The following EIF3B variants were observed in gnomAD, a reference collection of about 807,000 sequenced individuals.
EIF3B encodes eukaryotic translation initiation factor 3 subunit B, also known as eukaryotic translation initiation factor 3 subunit 9.
In EIF3B, 10 loss-of-function variants were observed where a neutral mutation model predicts 104.6. That is an observed-to-expected ratio of 0.10 (90% confidence interval 0.06 to 0.16). The LOEUF (loss-of-function observed/expected upper bound fraction) is 0.16, where lower values mean the gene tolerates loss of function less well. Ranked by LOEUF, EIF3B falls within the 10% of genes least tolerant of loss-of-function variation. The pLI is 1.00. For synonymous variants in EIF3B, 542 were observed against 417.2 expected, an observed-to-expected ratio of 1.30 and a Z score of -3.65; for missense variants, 1,014 against 1,087.9, an observed-to-expected ratio of 0.93 and a Z score of 0.96.
intron 9 of EIF3B, 54 bp downstream of exon 9, chr7:2,367,099 T>TA: frequency 9.8e-7 from 1 of 1,018,622 alleles, no homozygotes; most frequent in South Asian, 2.1e-5. Context: ...CTTAACACAA[T>TA]ACCAAAAAAA....
chr7:2,369,804 G>C (rs1417338342), intron 10 of EIF3B, 122 bp downstream of exon 10: 2 of 768,826 alleles, frequency 2.6e-6, no homozygotes, highest in Non-Finnish European at 1.9e-6. Flanking sequence ...TTGAGATGGA[G>C]TCTCACTCTG....
Position 2,363,073 on chromosome 7 carries a change from T to C in EIF3B, c.816T>C (p.Tyr272=). 6.2e-7 allele frequency: 1 copy of C among 1,614,088 alleles called. No homozygotes were observed. The highest frequency in any genetic ancestry group is 8.5e-7 in the Non-Finnish European group (1 of 1,180,016). The change falls in exon 4 of 19, where the codon TAT becomes TAC. Residue 272 remains tyrosine (Y), a synonymous_variant. Coordinates refer to ENST00000360876, the MANE Select transcript of EIF3B (RefSeq NM_001037283.2). ...RVNLFTDFDK[Y]MTISDEWDIP... is the part of the protein sequence containing the mutation. ...AGCAGTCTCCTTTCTTCTCCAGGTA[T>C]ATGACGATCAGTGACGAGTGGGATA... is the stretch of plus-strand genomic sequence containing the variant.
rs1176296324 is a variant in EIF3B, at chr7:2,369,601, T to C, written c.1533T>C (p.Asn511=). 6.2e-6 allele frequency: 10 copies of C among 1,614,064 alleles called. No individual in the cohort carries two copies. The highest frequency in any genetic ancestry group is 4.5e-5 in the East Asian group (2 of 44,882). The change falls in exon 10 of 19, where the codon AAT becomes AAC. Residue 511 remains asparagine (N), a synonymous_variant. Transcript: ENST00000360876. ...AGATCCGAGTGAGGAACCTGTTCAA[T>C]GTGGTGGACTGCAAGCTCCATTGGC... ...RQEIRVRNLF[N]VVDCKLHWQK... is the part of the protein sequence containing the mutation.
Position 2,375,370 on chromosome 7 carries a change from G to A in EIF3B, c.1890-19G>A. 1.2e-6 allele frequency: 2 copies of A among 1,613,676 alleles called. No individual in the cohort carries two copies. The highest frequency in any genetic ancestry group is 1.1e-5 in the South Asian group (1 of 91,080). On this transcript the variant is annotated intron_variant, in intron 13 of 18. Coordinates refer to ENST00000360876, the MANE Select transcript of EIF3B (RefSeq NM_001037283.2). ...GTATGCGTCTCCATGAAGCCTGACG[G>A]TCCTGTCTGTCTTTGCAGTATGAAC...
upstream of EIF3B, chr7:2,354,769 A>G (rs1399876044): frequency 2.9e-6 from 2 of 688,644 alleles, no homozygotes; most frequent in Non-Finnish European, 3.7e-6. Context: ...GTGAGGCCCC[A>G]GGGCGTGGGT....
chr7:2,379,068 T>C, intron 16 of EIF3B, 66 bp from the exon 17 acceptor site: 1 of 1,402,716 alleles, frequency 7.1e-7, no homozygotes, highest in Non-Finnish European at 1.0e-6. Flanking sequence ...CGCCTGGGTG[T>C]GGGCTCTTCG....
chr7:2,367,374 C>A (rs971357896), intron 9 of EIF3B, among the ~76,000 whole-genome samples: 1 of 150,450 alleles, frequency 6.6e-6, no homozygotes, highest in African/African-American at 2.5e-5. Flanking sequence ...CATGCCGTCA[C>A]CCCAGGGGGT....
At chr7:2,376,646 C>T (rs1057395855) in intron 14 of EIF3B, 11 of 323,322 alleles carry the variant, frequency 3.4e-5, no homozygotes, top group East Asian at 2.6e-4. Flanking sequence ...CGGGGTTCAG[C>T]GGCGCAGTAG....
intron 1 of EIF3B, among the ~76,000 whole-genome samples, chr7:2,360,312 G>C (rs1779660675): frequency 6.6e-6 from 1 of 152,206 alleles, no homozygotes; most frequent in Non-Finnish European, 1.5e-5. Context: ...ACATTGGGAT[G>C]GGATTCTGCC....
intron 14 of EIF3B, 88 bp from the exon 15 acceptor site, chr7:2,376,862 T>C (rs1780658688): frequency 6.5e-7 from 1 of 1,534,846 alleles, no homozygotes; most frequent in South Asian, 1.3e-5. Context: ...GTGTCCCCGA[T>C]ACCCAGGACC....
At chr7:2,354,479 C>T (rs769511741), upstream of EIF3B, among the ~76,000 whole-genome samples, 1 of 152,280 alleles carries the variant, frequency 6.6e-6, no homozygotes, top group Admixed American at 6.5e-5. Flanking sequence ...AGGACATTTT[C>T]CTAGCATTCC....
At chr7:2,368,929 A>C (rs967561339) in intron 9 of EIF3B, among the ~76,000 whole-genome samples, 1 of 152,250 alleles carries the variant, frequency 6.6e-6, no homozygotes, top group Non-Finnish European at 1.5e-5. Context: ...AAAAAATGCA[A>C]AACAGCACAT....
In EIF3B at chr7:2,362,775, A is replaced by G. The variant is rs2115294194; in HGVS notation, c.812+11A>G. On this transcript the variant is annotated intron_variant, in intron 3 of 18. Coordinates refer to ENST00000360876, the MANE Select transcript of EIF3B (RefSeq NM_001037283.2). ...TACGGATTTTGACAAGTGAGTTCAG[A>G]CTTGGCCACAAGGAAGTGGACGTTG... 2 of 1,613,912 alleles carry G rather than the reference A, an allele frequency of 1.2e-6. No individual in the cohort carries two copies. Among genetic ancestry groups the G allele is most frequent in the Non-Finnish European group, 1.7e-6 (2 of 1,179,976 alleles).
chr7:2,369,396 T>G, intron 9 of EIF3B, 76 bp from the exon 10 acceptor site: 1 of 1,458,878 alleles, frequency 6.9e-7, no homozygotes, highest in South Asian at 1.2e-5. Context: ...GCAAATGAGT[T>G]GTTCTATTCT....
In EIF3B at chr7:2,364,959, A is replaced by G. The variant is rs142477623; in HGVS notation, c.1157+430A>G. Among the ~76,000 whole-genome samples, 430 of 152,344 alleles carry G rather than the reference A, an allele frequency of 2.8e-3. 1 individual carries two copies. The highest frequency in any genetic ancestry group is 9.5e-3 in the African/African-American group (397 of 41,580). On this transcript the variant is annotated intron_variant, in intron 6 of 18. Coordinates refer to ENST00000360876, the MANE Select transcript of EIF3B (RefSeq NM_001037283.2). ...GATCTAGTCTAAGGTCACGTATTTTACAGATAATAAATTGTCCTTCCTCTA... is the reference window on the plus strand; with the variant it reads ...GATCTAGTCTAAGGTCACGTATTTTGCAGATAATAAATTGTCCTTCCTCTA...
At chr7:2,375,664 T>C in intron 14 of EIF3B, 137 bp downstream of exon 14, 1 of 1,303,338 alleles carries the variant, frequency 7.7e-7, no homozygotes, top group Non-Finnish European at 1.1e-6. Flanking sequence ...TGGCTGGTGT[T>C]AGTGGCAGGA....
intron 9 of EIF3B, among the ~76,000 whole-genome samples, chr7:2,367,825 A>ATTTTTTTTTTTTTTTTTTTTTT (rs71026506): frequency 1.7e-5 from 1 of 60,296 alleles, no homozygotes; most frequent in Non-Finnish European, 2.7e-5. Flanking sequence ...TTTTTTTAAA[A>ATTTTTTTTTTTTTTTTTTTTTT]TTTTTTTTTT....
chr7:2,365,392 C>CGCTCT (rs1779951827), intron 6 of EIF3B, among the ~76,000 whole-genome samples: 1 of 152,052 alleles, frequency 6.6e-6, no homozygotes, highest in African/African-American at 2.4e-5. Context: ...GAACGGGGGC[C>CGCTCT]ACTCTAGGGA....
intron 5 of EIF3B, among the ~76,000 whole-genome samples, 182 bp downstream of exon 5, chr7:2,363,942 A>G (rs765542741): frequency 2.0e-5 from 3 of 152,226 alleles, no homozygotes; most frequent in Non-Finnish European, 2.9e-5. Flanking sequence ...TGAGAAGTGA[A>G]CAGGCTTTGT....
Sources: allele counts gnomAD v4.1 joint callset (sites outside exome capture counted in the v4.1 genomes callset), GRCh38; gene constraint gnomAD v4.1.1; transcripts MANE v1.5; gene names NCBI Gene and HGNC (gene_info 2026-07-23, HGNC 2026-07-21).